Variants in PTPRG observed in about 807,000 individuals in gnomAD.
The protein encoded by PTPRG is protein tyrosine phosphatase receptor type G.
A neutral mutation model predicts 165.3 loss-of-function variants in PTPRG; 102 were observed. That is an observed-to-expected ratio of 0.62 (90% CI 0.53 to 0.73). The LOEUF (loss-of-function observed/expected upper bound fraction) is 0.73, where lower values mean the gene tolerates loss of function less well. Ranked by LOEUF, PTPRG falls within the 30% of genes least tolerant of loss-of-function variation. PTPRG has a pLI of 0.00. For missense variants in PTPRG, 1,866 were observed against 1,861.4 expected, an observed-to-expected ratio of 1.00 and a Z score of -0.05; for synonymous variants, 675 against 669.5, an observed-to-expected ratio of 1.01 and a Z score of -0.13.
chr3:61,805,123 T>A (rs543492256), intron 2 of PTPRG, among the ~76,000 whole-genome samples: 2 of 152,134 alleles, frequency 1.3e-5, no homozygotes, highest in Non-Finnish European at 2.9e-5. Flanking sequence ...AAGGGAACTT[T>A]TTTTCTTTTT....
chr3:61,945,730 C>T (rs1241309363), intron 2 of PTPRG, among the ~76,000 whole-genome samples: 1 of 152,044 alleles, frequency 6.6e-6, no homozygotes, highest in African/African-American at 2.4e-5. Context: ...AGTAATTTTG[C>T]TAAATTAATA....
Position 62,099,322 on chromosome 3 carries a change from G to A in PTPRG, c.615+21064G>A, listed in dbSNP as rs117228397. Among the ~76,000 whole-genome samples the A allele has an allele frequency of 1.5e-3, 233 of 152,212 alleles. 3 individuals carry two copies. Among genetic ancestry groups the A allele is most frequent in the South Asian group, 0.011 (55 of 4,826 alleles). ...GTCATTTTTTGATTCCTTACTAACCGTCGCTACTTCCTAGTCTTTCAAAAT... is the reference window on the plus strand; with the variant it reads ...GTCATTTTTTGATTCCTTACTAACCATCGCTACTTCCTAGTCTTTCAAAAT... On this transcript the variant is annotated intron_variant, in intron 5 of 29. Transcript: ENST00000474889.
intron 4 of PTPRG, among the ~76,000 whole-genome samples, chr3:62,037,398 C>T (rs1699980423): frequency 6.6e-6 from 1 of 152,170 alleles, no homozygotes; most frequent in Non-Finnish European, 1.5e-5. Context: ...GTGTTCTTTG[C>T]ATTATAGGAT....
chr3:61,746,320 G>A (rs2033204987), intron 1 of PTPRG, among the ~76,000 whole-genome samples: 1 of 146,916 alleles, frequency 6.8e-6, no homozygotes, highest in Admixed American at 7.0e-5. Context: ...CCAGGTTCAC[G>A]CCATTCTCCT....
At chr3:61,880,742 A>C (rs1018089722) in intron 2 of PTPRG, among the ~76,000 whole-genome samples, 2 of 152,132 alleles carry the variant, frequency 1.3e-5, no homozygotes, top group Non-Finnish European at 2.9e-5. Flanking sequence ...TTTAGCCAGA[A>C]ATCTTGGGAT....
At chr3:62,070,705 T>A (rs1222240912) in intron 4 of PTPRG, among the ~76,000 whole-genome samples, 1 of 152,188 alleles carries the variant, frequency 6.6e-6, no homozygotes, top group African/African-American at 2.4e-5. Context: ...AATGCTTAAC[T>A]CTGTCATCAT....
intron 2 of PTPRG, among the ~76,000 whole-genome samples, chr3:61,908,885 C>G (rs1245616926): frequency 6.6e-6 from 1 of 152,188 alleles, no homozygotes; most frequent in African/African-American, 2.4e-5. Flanking sequence ...TACATGGAAG[C>G]TGAGATATGA....
chr3:62,160,042 G>A (rs1419369855), intron 7 of PTPRG, among the ~76,000 whole-genome samples: 1 of 152,220 alleles, frequency 6.6e-6, no homozygotes, highest in Non-Finnish European at 1.5e-5. Flanking sequence ...CAAGTAGTCA[G>A]GAATTCCATG....
intron 4 of PTPRG, among the ~76,000 whole-genome samples, chr3:62,010,800 A>G (rs1292503235): frequency 6.6e-6 from 1 of 152,192 alleles, no homozygotes; most frequent in Non-Finnish European, 1.5e-5. Flanking sequence ...TCTATTAAAA[A>G]TAACATTTCC....
At chr3:62,152,468 C>A (rs1164951295) in intron 6 of PTPRG, among the ~76,000 whole-genome samples, 1 of 152,234 alleles carries the variant, frequency 6.6e-6, no homozygotes, top group Non-Finnish European at 1.5e-5. Context: ...AGTCTTGAGT[C>A]TGGCCAGTTG....
chr3:61,854,346 A>G (rs1489487240), intron 2 of PTPRG, among the ~76,000 whole-genome samples: 1 of 152,186 alleles, frequency 6.6e-6, no homozygotes, highest in African/African-American at 2.4e-5. Context: ...TCTGTAAAAT[A>G]GGTCTGATTT....
intron 6 of PTPRG, among the ~76,000 whole-genome samples, chr3:62,151,492 T>C (rs565539729): frequency 1.3e-5 from 2 of 152,208 alleles, no homozygotes; most frequent in African/African-American, 2.4e-5. Flanking sequence ...ACTTTGAATT[T>C]AGCATCGCTG....
chr3:61,620,120 T>C (rs1701410517), intron 1 of PTPRG, among the ~76,000 whole-genome samples: 1 of 152,144 alleles, frequency 6.6e-6, no homozygotes, highest in African/African-American at 2.4e-5. Context: ...TCTTGAATGA[T>C]GGCACTTCTG....
chr3:62,131,619 G>A (rs1452080181), intron 5 of PTPRG, among the ~76,000 whole-genome samples: 1 of 152,148 alleles, frequency 6.6e-6, no homozygotes, highest in Non-Finnish European at 1.5e-5. Flanking sequence ...AATGGGGGAT[G>A]GGGGAAGCAG....
At chr3:62,023,009 A>C (rs1005647338) in intron 4 of PTPRG, among the ~76,000 whole-genome samples, 4 of 152,168 alleles carry the variant, frequency 2.6e-5, no homozygotes, top group African/African-American at 7.2e-5. Flanking sequence ...CATTCAAAAC[A>C]AAATTAAGAA....
In PTPRG at chr3:62,062,661, T is replaced by C. The variant is rs544962053; in HGVS notation, c.520-15502T>C. On this transcript the variant is annotated intron_variant, in intron 4 of 29. Transcript: ENST00000474889. ...AGAAGATAATGTTGATCTCATCTCATAGATTTTATGGCATTGTTTTTTTTA... is the reference window on the plus strand; with the variant it reads ...AGAAGATAATGTTGATCTCATCTCACAGATTTTATGGCATTGTTTTTTTTA... 4.0e-5 allele frequency among the ~76,000 whole-genome samples: 5 copies of C among 123,714 alleles called. No homozygotes were observed. In the East Asian group the frequency reaches 1.0e-3, roughly 25 times the overall value. The allele number at this position is 123,714 out of a possible 152,430, so 81.2% of individuals were successfully genotyped here.
chr3:62,128,586 A>G (rs111707009), intron 5 of PTPRG, among the ~76,000 whole-genome samples: 1 of 151,800 alleles, frequency 6.6e-6, no homozygotes, highest in African/African-American at 2.4e-5. Context: ...TGTACTCAGC[A>G]TTATACTCTA....
chr3:62,283,254 A>G (rs1039421893), intron 28 of PTPRG, among the ~76,000 whole-genome samples: 2 of 152,184 alleles, frequency 1.3e-5, no homozygotes, highest in African/African-American at 4.8e-5. Context: ...TGTTAGGGAA[A>G]TAACCTTTAA....
At chr3:61,814,010 C>T (rs770809797) in intron 2 of PTPRG, among the ~76,000 whole-genome samples, 56 of 150,778 alleles carry the variant, frequency 3.7e-4, no homozygotes, top group Non-Finnish European at 6.9e-4. Context: ...AAGCGATTTT[C>T]CTGCCTCAGC....
Sources: allele counts gnomAD v4.1 joint callset (sites outside exome capture counted in the v4.1 genomes callset), GRCh38; gene constraint gnomAD v4.1.1; transcripts MANE v1.5; gene names NCBI Gene and HGNC (gene_info 2026-07-23, HGNC 2026-07-21).